PARVB: variants seen among roughly 807,000 people sequenced by gnomAD.
PARVB encodes the protein parvin beta.
In PARVB, 46 loss-of-function variants were observed where a neutral mutation model predicts 47.0. The observed-to-expected ratio is 0.98, with a 90% CI of 0.77 to 1.25. The LOEUF (loss-of-function observed/expected upper bound fraction) is 1.25, where lower values mean the gene tolerates loss of function less well. PARVB is among the 50% of genes most tolerant of loss of function. The probability of loss-of-function intolerance (pLI) is 0.00; values close to 1 mark genes in which losing one functional copy is unlikely to be tolerated. For missense variants in PARVB, 473 were observed against 471.6 expected, an observed-to-expected ratio of 1.00 and a Z score of -0.03; for synonymous variants, 196 against 196.3, an observed-to-expected ratio of 1.00 and a Z score of 0.01.
At chr22:44,128,997 G>C (rs2053251937) in intron 4 of PARVB, among the ~76,000 whole-genome samples, 1 of 152,210 alleles carries the variant, frequency 6.6e-6, no homozygotes. Flanking sequence ...AGGATCGCTT[G>C]AACCTGGGAG....
intron 12 of PARVB, among the ~76,000 whole-genome samples, chr22:44,167,340 T>A (rs1231302016): frequency 6.6e-6 from 1 of 152,064 alleles, no homozygotes; most frequent in Non-Finnish European, 1.5e-5. Context: ...GCGCAGGTGC[T>A]AAGGGGTGGC....
chr22:44,158,215 T>C, intron 11 of PARVB, 132 bp downstream of exon 11: 2 of 620,966 alleles, frequency 3.2e-6, no homozygotes, highest in Non-Finnish European at 5.7e-6. Context: ...ACAAGTGATA[T>C]TGCAATTAGA....
chr22:44,166,694 C>A (rs1025166541), intron 12 of PARVB, among the ~76,000 whole-genome samples: 1 of 152,266 alleles, frequency 6.6e-6, no homozygotes, highest in Non-Finnish European at 1.5e-5. Flanking sequence ...AGCTGGTCTG[C>A]AGTGCTCATT....
rs551660048 is a variant in PARVB, at chr22:44,099,947, G to C, written c.203-106G>C. 32 of 904,526 alleles carry C rather than the reference G, an allele frequency of 3.5e-5. No individual in the cohort carries two copies. In the African/African-American group the frequency reaches 5.0e-4, roughly 14 times the overall value. The allele number at this position is 904,526 out of a possible 1,614,324, so 56.0% of individuals were successfully genotyped here. ...TGCAGTCACCCTCCCCTAGTGCTGGGTTCTCTGCTTCTCCATTTGTCAGAG... is the reference window on the plus strand; with the variant it reads ...TGCAGTCACCCTCCCCTAGTGCTGGCTTCTCTGCTTCTCCATTTGTCAGAG... On this transcript the variant is annotated intron_variant, in intron 2 of 12. Transcript: ENST00000338758.
At chr22:44,022,777 C>T (rs182082756), upstream of PARVB, among the ~76,000 whole-genome samples, 24 of 151,466 alleles carry the variant, frequency 1.6e-4, no homozygotes, top group Non-Finnish European at 2.8e-4. Flanking sequence ...GACAGAGTCT[C>T]GCTCTGTCAC....
At chr22:44,083,628 AG>A (rs527543855) in intron 1 of PARVB, among the ~76,000 whole-genome samples, 98 of 152,272 alleles carry the variant, frequency 6.4e-4, no homozygotes, top group African/African-American at 2.3e-3. Flanking sequence ...TTGTGGGGAC[AG>A]TCGAGCAGAG....
chr22:44,018,636 C>G (rs1241026710), intron 2 of PARVB, among the ~76,000 whole-genome samples: 1 of 152,190 alleles, frequency 6.6e-6, no homozygotes, highest in African/African-American at 2.4e-5. Flanking sequence ...CCTCAGCACC[C>G]CTTTTGTCGA....
At chr22:44,094,142 G>A (rs2052240329) in intron 2 of PARVB, 125 bp downstream of exon 2, 1 of 550,604 alleles carries the variant, frequency 1.8e-6, no homozygotes, top group Non-Finnish European at 3.2e-6. Flanking sequence ...GGGGCATTTG[G>A]GAGTCTAAGT....
At chr22:44,023,537 C>CAAAACAAAATTAAAATAAAATAAAAT (rs1416034853), upstream of PARVB, among the ~76,000 whole-genome samples, 5 of 127,394 alleles carry the variant, frequency 3.9e-5, no homozygotes, top group African/African-American at 1.5e-4. Context: ...TAAAACAAAA[C>CAAAACAAAATTAAAATAAAATAAAAT]AAAATAAAAT....
chr22:44,086,334 C>T (rs950571776), intron 1 of PARVB, among the ~76,000 whole-genome samples: 2 of 152,212 alleles, frequency 1.3e-5, no homozygotes, highest in African/African-American at 4.8e-5. Context: ...CCCTCTTTTC[C>T]CATGTCCGGG....
chr22:44,029,039 A>G (rs1029013955), intron 1 of PARVB, among the ~76,000 whole-genome samples: 1 of 152,136 alleles, frequency 6.6e-6, no homozygotes, highest in Admixed American at 6.5e-5. Flanking sequence ...GCTGGAGTGC[A>G]GTGGCACGAT....
At chr22:44,003,434 A>C (rs1479975719) in intron 2 of PARVB, among the ~76,000 whole-genome samples, 1 of 152,220 alleles carries the variant, frequency 6.6e-6, no homozygotes, top group Admixed American at 6.5e-5. Flanking sequence ...ACCTGACTGC[A>C]GAAATCAAGT....
intron 2 of PARVB, chr22:44,009,582 T>C (rs905294563): frequency 3.3e-5 from 5 of 151,346 alleles, no homozygotes; most frequent in Admixed American, 3.3e-4. Context: ...CCTATATATA[T>C]ACACACATAT....
intron 3 of PARVB, among the ~76,000 whole-genome samples, chr22:44,116,946 G>C (rs950382558): frequency 3.9e-5 from 6 of 152,172 alleles, no homozygotes; most frequent in African/African-American, 1.4e-4. Context: ...AGGGGCAAGA[G>C]GGAGATGGGG....
chr22:44,050,609 A>G (rs954513909), intron 1 of PARVB, among the ~76,000 whole-genome samples: 1 of 152,120 alleles, frequency 6.6e-6, no homozygotes, highest in African/African-American at 2.4e-5. Context: ...AAGTGCTGGG[A>G]CTACAGGTGT....
chr22:44,013,080 G>T (rs1432094040), intron 2 of PARVB, among the ~76,000 whole-genome samples: 1 of 151,958 alleles, frequency 6.6e-6, no homozygotes, highest in Non-Finnish European at 1.5e-5. Context: ...TGTAGTTTTA[G>T]TAGATAAAGG....
At chr22:44,009,516 A>G (rs1350734409) in intron 2 of PARVB, 1 of 152,104 alleles carries the variant, frequency 6.6e-6, no homozygotes, top group Admixed American at 6.6e-5. Flanking sequence ...CCCCATTGAC[A>G]AAGTATTAAG....
chr22:44,041,024 A>G (rs2051009729), intron 1 of PARVB, among the ~76,000 whole-genome samples: 1 of 151,848 alleles, frequency 6.6e-6, no homozygotes, highest in Non-Finnish European at 1.5e-5. Context: ...AAAAAAAGAA[A>G]GAAATTTGTG....
At chr22:44,110,112 C>CAAAA (rs59049954) in intron 3 of PARVB, 34 of 76,740 alleles carry the variant, frequency 4.4e-4, no homozygotes, top group Non-Finnish European at 7.4e-4. Flanking sequence ...GACTCCGTCT[C>CAAAA]AAAAAAAAAA....
Sources: allele counts gnomAD v4.1 joint callset (sites outside exome capture counted in the v4.1 genomes callset), GRCh38; gene constraint gnomAD v4.1.1; transcripts MANE v1.5; gene names NCBI Gene and HGNC (gene_info 2026-07-23, HGNC 2026-07-21).